DNHD1: variants seen among roughly 807,000 people sequenced by gnomAD.
The protein encoded by DNHD1 is dynein heavy chain domain-containing protein 1.
A neutral mutation model predicts 458.1 loss-of-function variants in DNHD1; 383 were observed. The ratio of observed to expected loss-of-function variants is 0.84; its 90% CI spans 0.77 to 0.91. DNHD1 has a LOEUF of 0.91. Among genes scored for constraint, DNHD1 ranks in the 40% least tolerant of loss-of-function variants. The pLI, the probability that DNHD1 is intolerant of heterozygous loss-of-function variation, is 0.00. For synonymous variants in DNHD1, 2,203 were observed against 2,376.9 expected, an observed-to-expected ratio of 0.93 and a Z score of 2.13; for missense variants, 5,336 against 5,866.1, an observed-to-expected ratio of 0.91 and a Z score of 2.95.
intron 13 of DNHD1, 37 bp downstream of exon 13, chr11:6,533,221 G>C (rs777758440): frequency 6.5e-7 from 1 of 1,544,006 alleles, no homozygotes; most frequent in South Asian, 1.2e-5. Flanking sequence ...AGTTTATTCA[G>C]GGCCCATCCT....
intron 17 of DNHD1, 36 bp downstream of exon 17, chr11:6,539,349 C>A: frequency 6.9e-7 from 1 of 1,453,586 alleles, no homozygotes; most frequent in South Asian, 1.2e-5. Flanking sequence ...GGAGGTGGTC[C>A]AAAGCCAGGA....
chr11:6,540,090 C>T lies in DNHD1; in HGVS notation c.3628+7C>T, dbSNP rs771899576. 4.8e-5 allele frequency: 75 copies of T among 1,550,850 alleles called. No homozygotes were observed. In the African/African-American group the frequency reaches 9.6e-4, roughly 20 times the overall value. ...GGCACCTTCATCCTCTCAGGTGAGACCCAGACCTTGTGACCTAGTGAAAGC... is the reference window on the plus strand; with the variant it reads ...GGCACCTTCATCCTCTCAGGTGAGATCCAGACCTTGTGACCTAGTGAAAGC... On this transcript the variant is annotated splice_region_variant and intron_variant, in intron 18 of 42. Transcript: ENST00000254579.
chr11:6,503,043 C>G, intron 4 of DNHD1, 117 bp downstream of exon 4: 1 of 1,111,008 alleles, frequency 9.0e-7, no homozygotes, highest in East Asian at 2.8e-5. Flanking sequence ...TCCACATACT[C>G]CTCCTCTGAC....
rs1003282334 is a variant in DNHD1 at position 6,557,332 on chromosome 11, C to A, written c.8037C>A (p.Val2679=). Residue 2679 remains valine (V), a synonymous_variant, in exon 25 of 43, where the codon GTC becomes GTA. Coordinates refer to ENST00000254579, the MANE Select transcript of DNHD1 (RefSeq NM_144666.3). ...TGCTCCTAGTAGTAGCTCAAAGTGT[C>A]TTCTGCTGTGGGCCAGGGCCCCAGC... is the stretch of plus-strand genomic sequence containing the variant. ...AKLLLVVAQS[V]FCCGPGPQHL... The A allele has an allele frequency of 2.6e-6, 4 of 1,551,456 alleles. No individual in the cohort carries two copies. Among genetic ancestry groups the A allele is most frequent in the Admixed American group, 3.9e-5 (2 of 50,992 alleles).
At chr11:6,522,249 C>A (rs1318022750) in intron 10 of DNHD1, among the ~76,000 whole-genome samples, 1 of 152,022 alleles carries the variant, frequency 6.6e-6, no homozygotes, top group Non-Finnish European at 1.5e-5. Flanking sequence ...AGACCTTTGC[C>A]AGATGCATAG....
intron 7 of DNHD1, among the ~76,000 whole-genome samples, chr11:6,518,433 C>T (rs1278001261): frequency 6.6e-6 from 1 of 152,124 alleles, no homozygotes; most frequent in Admixed American, 6.5e-5. Context: ...ATACTGATTA[C>T]GTTCTATGGT....
At chr11:6,519,937 C>T (rs535448591) in intron 8 of DNHD1, 28 bp from the exon 9 acceptor site, 24 of 1,613,822 alleles carry the variant, frequency 1.5e-5, no homozygotes, top group South Asian at 3.3e-5. Flanking sequence ...TCTAGCCCCT[C>T]GACCTTTCCT....
Position 6,548,782 on chromosome 11 carries a change from C to T in DNHD1, c.7236C>T (p.Pro2412=). ...CACATCACCCTTACATATACAGCCC[C>T]ATCCACCCTGCCTTCAGTTCCTCCC... ...VEPHHPYIYS[P]IHPAFSSSHL... The change falls in exon 24 of 43, where the codon CCC becomes CCT. Residue 2412 remains proline, a synonymous_variant. Transcript: ENST00000254579. The surrounding 1 kb of genome is among the most constrained non-coding windows in gnomAD (Gnocchi z 4.4). 4 of 1,551,712 alleles carry T rather than the reference C, an allele frequency of 2.6e-6. No individual in the cohort carries two copies. The highest frequency in any genetic ancestry group is 3.3e-4 in the Middle Eastern group (2 of 5,992).
rs766102470 is a variant in DNHD1, at chr11:6,568,448, C to G, written c.12539-6C>G. On this transcript the variant is annotated splice_polypyrimidine_tract_variant and splice_region_variant and intron_variant, in intron 37 of 42. Transcript: ENST00000254579. ...GGACTGATCTCAGACCCTTGTCTGA[C>G]TCTAGTGGTTGCAGACCTGGAATCA... 1.9e-5 allele frequency: 30 copies of G among 1,613,046 alleles called. No individual in the cohort carries two copies. Among genetic ancestry groups the G allele is most frequent in the Non-Finnish European group, 3.4e-6 (4 of 1,179,898 alleles).
chr11:6,512,501 T>A (rs10839570), intron 7 of DNHD1, among the ~76,000 whole-genome samples: 5 of 151,824 alleles, frequency 3.3e-5, no homozygotes, highest in Admixed American at 3.3e-4. Flanking sequence ...GGATTACAGG[T>A]GTGAACCACC....
intron 12 of DNHD1, among the ~76,000 whole-genome samples, chr11:6,531,542 ACAAG>A (rs1852829164): frequency 6.6e-6 from 1 of 151,838 alleles, no homozygotes; most frequent in African/African-American, 2.4e-5. Context: ...AAACAAACAA[ACAAG>A]CAAACAAATG....
intron 35 of DNHD1, 64 bp from the exon 36 acceptor site, chr11:6,566,831 T>C (rs1423709214): frequency 4.4e-6 from 7 of 1,597,818 alleles, no homozygotes; most frequent in Non-Finnish European, 6.0e-6. Flanking sequence ...GGGGTGGAGA[T>C]GAATGTAGAT....
rs558437335 is a variant in DNHD1, at chr11:6,552,776, C to T, written c.7387+3843C>T. Among the ~76,000 whole-genome samples, 63 of 152,152 alleles carry T rather than the reference C, an allele frequency of 4.1e-4. 2 individuals are homozygous for T. In the South Asian group the frequency reaches 0.013, roughly 31 times the overall value. On this transcript the variant is annotated intron_variant, in intron 24 of 42. Coordinates refer to ENST00000254579, the MANE Select transcript of DNHD1 (RefSeq NM_144666.3). ...ACCTCCCACCAGGTCCCTCCCTCAA[C>T]ATATGGGGATTACAATTCAAGACAA...
rs575312214 is a variant in DNHD1 at position 6,519,524 on chromosome 11, G to A, written c.1393-76G>A. On this transcript the variant is annotated intron_variant, in intron 7 of 42. Transcript: ENST00000254579. ...CTAGGTCCCAGACTCCAAGACCTGA[G>A]AGTTTGCACAGACTAGTGGGTGGCT... The A allele has an allele frequency of 3.0e-5, 46 of 1,548,870 alleles. No individual in the cohort carries two copies. The East Asian group carries it at 1.0e-3, about 35-fold the overall frequency.
rs1424626652 is a variant in DNHD1 at position 6,538,421 on chromosome 11, C to T, written c.3037C>T (p.Arg1013Cys). 15 of 1,551,616 alleles carry T rather than the reference C, an allele frequency of 9.7e-6. No individual in the cohort carries two copies. The highest frequency in any genetic ancestry group is 8.2e-5 in the African/African-American group (6 of 73,048). ...TGTGCCCTTGCCAATCTGTGGGACACGTCCTATTGTGCAGCAGCAGCGCAT... is the reference window on the plus strand; with the variant it reads ...TGTGCCCTTGCCAATCTGTGGGACATGTCCTATTGTGCAGCAGCAGCGCAT... ...TPVPLPICGT[R>C]PIVQQQRIWH... The change falls in exon 15 of 43, where the codon CGT becomes TGT. Residue 1013 changes from arginine (R) to cysteine (C), a missense_variant. Transcript: ENST00000254579.
chr11:6,544,360 G>A, intron 19 of DNHD1, 114 bp downstream of exon 19: 1 of 1,279,756 alleles, frequency 7.8e-7, no homozygotes, highest in Middle Eastern at 2.4e-4. Context: ...ACACAGTGAG[G>A]ACCTCCTTCA....
In DNHD1 at chr11:6,557,871, G is replaced by A. The variant is rs557045597; in HGVS notation, c.8576G>A (p.Ser2859Asn). Residue 2859 changes from serine to asparagine, a missense_variant, in exon 25 of 43, where the codon AGC (serine) becomes AAC (asparagine). By Grantham distance (46) the Ser-to-Asn change is conservative (BLOSUM62 1). This residue lies in a region of DNHD1 where 3,932 missense variants were observed against 4,365.6 expected (regional missense o/e 0.90). Transcript: ENST00000254579. ...ACCTCAGCTGCTCAACTGAAGTTGA[G>A]CCCCCACCTGGCCCGGTGTCATTCC... The part of the protein sequence containing the change: ...LATSAAQLKL[S>N]PHLARCHSMA... 63 of 1,551,046 alleles carry A rather than the reference G, an allele frequency of 4.1e-5. 1 individual carries two copies. The South Asian group carries it at 6.9e-4, about 17-fold the overall frequency.
chr11:6,546,641 G>A lies in DNHD1; in HGVS notation c.5702G>A (p.Arg1901His), dbSNP rs1369447601. 2.2e-5 allele frequency: 34 copies of A among 1,549,430 alleles called. No homozygotes were observed. The highest frequency in any genetic ancestry group is 7.3e-5 in the East Asian group (3 of 40,824). ...GAGGAACCGAAGTGCCAGAAGCCTC[G>A]CAGCCTAGCTGCCATTGAGGAGGCT... The part of the protein sequence containing the change: ...TKEEPKCQKP[R>H]SLAAIEEAAL... Residue 1901 changes from arginine to histidine, a missense_variant, in exon 21 of 43, where the codon CGC becomes CAC. By Grantham distance (29) the Arg-to-His change is conservative. Transcript: ENST00000254579.
At chr11:6,523,137 G>A (rs576472656) in intron 10 of DNHD1, among the ~76,000 whole-genome samples, 93 of 152,154 alleles carry the variant, frequency 6.1e-4, no homozygotes, top group Non-Finnish European at 1.0e-3. Context: ...TTTGATATTT[G>A]TGGTAAGATA....
Sources: gnomAD v4.1 joint callset for allele counts (sites outside exome capture counted in the v4.1 genomes callset) on GRCh38, gnomAD v4.1.1 for gene constraint, gnomAD v4.1.1 regional missense constraint, Gnocchi (gnomAD v3.1) non-coding constraint, MANE v1.5 for transcripts, NCBI Gene and HGNC (gene_info 2026-07-23, HGNC 2026-07-21) for gene names.